Variants in ZNF804B observed in about 807,000 individuals in gnomAD.
ZNF804B encodes the protein zinc finger protein 804B, also known as zinc finger 804B.
A neutral mutation model predicts 101.4 loss-of-function variants in ZNF804B; 80 were observed. That is an observed-to-expected ratio of 0.79 (90% CI 0.66 to 0.95). The LOEUF is 0.95. Among genes scored for constraint, ZNF804B ranks in the 40% least tolerant of loss-of-function variants. The pLI is 0.00. For missense variants in ZNF804B, 1,673 were observed against 1,561.9 expected (o/e 1.07, Z -1.20); for synonymous variants, 622 against 558.8 (o/e 1.11, Z -1.59).
chr7:88,958,747 C>T (rs1256666618), intron 1 of ZNF804B, among the ~76,000 whole-genome samples: 15 of 151,410 alleles, frequency 9.9e-5, no homozygotes, highest in Admixed American at 9.9e-4. Context: ...GATACTGATT[C>T]TCATGATGTA....
At chr7:89,021,554 TGG>T (rs1029538795) in intron 1 of ZNF804B, among the ~76,000 whole-genome samples, 1 of 152,188 alleles carries the variant, frequency 6.6e-6, no homozygotes, top group Non-Finnish European at 1.5e-5. Context: ...TGTCACACTC[TGG>T]GCACAGGTAC....
rs888617870 is a variant in ZNF804B, at chr7:89,106,547, T to C, written c.109-111608T>C. Among the ~76,000 whole-genome samples, 9 of 152,204 alleles carry C rather than the reference T, an allele frequency of 5.9e-5. No homozygotes were observed. The East Asian group carries it at 1.7e-3, about 29-fold the overall frequency. The stretch of plus-strand genomic sequence containing the variant: ...ATGGATCCATATTGATCTATTACAC[T>C]TCTGAATGAAGAATTGATAATACTA... On this transcript the variant is annotated intron_variant, in intron 1 of 3. Coordinates refer to ENST00000333190, the MANE Select transcript of ZNF804B (RefSeq NM_181646.5).
At chr7:89,103,778 T>A (rs1486194100) in intron 1 of ZNF804B, among the ~76,000 whole-genome samples, 1 of 151,706 alleles carries the variant, frequency 6.6e-6, no homozygotes. Context: ...TAAATAGGAG[T>A]GGTGAGAGCA....
At chr7:89,265,711 ATGT>A (rs1299089463) in intron 2 of ZNF804B, among the ~76,000 whole-genome samples, 2 of 152,222 alleles carry the variant, frequency 1.3e-5, no homozygotes, top group African/African-American at 4.8e-5. Context: ...AAATAGAAAC[ATGT>A]TGTGAAAATA....
At chr7:89,112,632 A>G (rs999705074) in intron 1 of ZNF804B, among the ~76,000 whole-genome samples, 1 of 152,152 alleles carries the variant, frequency 6.6e-6, no homozygotes. Context: ...AAGCTCTAGA[A>G]TCAGTTTGTC....
intron 1 of ZNF804B, among the ~76,000 whole-genome samples, chr7:89,015,422 G>C (rs909934707): frequency 1.3e-5 from 2 of 151,606 alleles, no homozygotes; most frequent in African/African-American, 2.4e-5. Context: ...TGCTATGCTG[G>C]TGTGCTGCAC....
At chr7:89,102,542 A>ATTTT (rs1790071265) in intron 1 of ZNF804B, among the ~76,000 whole-genome samples, 1 of 151,538 alleles carries the variant, frequency 6.6e-6, no homozygotes, top group Non-Finnish European at 1.5e-5. Flanking sequence ...TGTTTGTTGC[A>ATTTT]TCTTGAGTTG....
intron 2 of ZNF804B, among the ~76,000 whole-genome samples, chr7:89,280,387 T>A (rs375454656): frequency 1.7e-4 from 26 of 151,712 alleles, no homozygotes; most frequent in East Asian, 1.5e-3. Context: ...AAGCTAGCAG[T>A]AGGCAAGAAA....
chr7:88,809,709 T>A (rs1438868246), intron 1 of ZNF804B, among the ~76,000 whole-genome samples: 2 of 152,174 alleles, frequency 1.3e-5, no homozygotes, highest in African/African-American at 4.8e-5. Context: ...CAGAAACACT[T>A]TTTATTGACA....
In ZNF804B at chr7:89,259,692, T is replaced by A. The variant is rs1789682887; in HGVS notation, c.249+41397T>A. Among the ~76,000 whole-genome samples the A allele has an allele frequency of 4.6e-5, 7 of 152,062 alleles. No individual in the cohort carries two copies. The South Asian group carries it at 1.5e-3, about 32-fold the overall frequency. On this transcript the variant is annotated intron_variant, in intron 2 of 3. Transcript: ENST00000333190. ...TCTGGGTGCTAGGGGCATTGTCCAA[T>A]AGCAAAAGAATGTTAGAAAGGCAGT...
intron 1 of ZNF804B, among the ~76,000 whole-genome samples, chr7:88,802,925 A>G (rs1790612755): frequency 6.6e-6 from 1 of 152,158 alleles, no homozygotes; most frequent in East Asian, 1.9e-4. Flanking sequence ...AACTCCTAAC[A>G]TTGATACTAT....
At chr7:88,841,440 G>A (rs1728988148) in intron 1 of ZNF804B, among the ~76,000 whole-genome samples, 1 of 152,144 alleles carries the variant, frequency 6.6e-6, no homozygotes, top group Non-Finnish European at 1.5e-5. Context: ...ACTTGGGTGA[G>A]CTTTCTTAGT....
chr7:89,004,175 A>T (rs947370728), intron 1 of ZNF804B, among the ~76,000 whole-genome samples: 3 of 151,996 alleles, frequency 2.0e-5, no homozygotes, highest in African/African-American at 7.2e-5. Flanking sequence ...TATTCAAAAA[A>T]GCAAATCAAT....
chr7:88,897,279 A>T (rs1792305254), intron 1 of ZNF804B, among the ~76,000 whole-genome samples: 1 of 152,112 alleles, frequency 6.6e-6, no homozygotes. Flanking sequence ...ATGCAGAGGG[A>T]ATGGGAAAAG....
At chr7:89,135,384 C>T (rs1790615824) in intron 1 of ZNF804B, among the ~76,000 whole-genome samples, 2 of 152,062 alleles carry the variant, frequency 1.3e-5, no homozygotes, top group Non-Finnish European at 2.9e-5. Context: ...GCATGATCAC[C>T]TACTAAGTCT....
chr7:89,260,321 C>T (rs1263003144), intron 2 of ZNF804B, among the ~76,000 whole-genome samples: 1 of 151,594 alleles, frequency 6.6e-6, no homozygotes, highest in Non-Finnish European at 1.5e-5. Flanking sequence ...ACTTCTCTTC[C>T]TTACTAATAA....
intron 2 of ZNF804B, among the ~76,000 whole-genome samples, chr7:89,271,214 A>C (rs192746749): frequency 2.0e-5 from 3 of 152,252 alleles, no homozygotes; most frequent in Admixed American, 6.5e-5. Flanking sequence ...TGTCATAAAT[A>C]GCTCTTATTA....
intron 1 of ZNF804B, among the ~76,000 whole-genome samples, chr7:88,835,346 G>T (rs780603963): frequency 5.3e-5 from 8 of 151,706 alleles, no homozygotes; most frequent in African/African-American, 1.9e-4. Flanking sequence ...TTTAATCCCC[G>T]TCAAAAAAGG....
chr7:88,764,749 A>G (rs144780178), intron 1 of ZNF804B, among the ~76,000 whole-genome samples: 8 of 152,268 alleles, frequency 5.3e-5, no homozygotes, highest in African/African-American at 1.9e-4. Flanking sequence ...CACATTAAAG[A>G]CTTTCAAAAT....
Sources: allele counts gnomAD v4.1 joint callset (sites outside exome capture counted in the v4.1 genomes callset), GRCh38; gene constraint gnomAD v4.1.1; transcripts MANE v1.5; gene names NCBI Gene and HGNC (gene_info 2026-07-23, HGNC 2026-07-21).